CNTRL: variants seen among roughly 807,000 people sequenced by gnomAD.
CNTRL encodes the protein centriolin.
A neutral mutation model predicts 303.7 loss-of-function variants in CNTRL; 233 were observed. The observed-to-expected ratio is 0.77, with a 90% confidence interval of 0.69 to 0.86. The LOEUF is 0.86. CNTRL is among the 40% of genes least tolerant of loss of function. The probability of loss-of-function intolerance (pLI) is 0.00; values close to 1 mark genes in which losing one functional copy is unlikely to be tolerated. For synonymous variants in CNTRL, 900 were observed against 922.2 expected, an observed-to-expected ratio of 0.98 and a Z score of 0.44; for missense variants, 2,524 against 2,650.6, an observed-to-expected ratio of 0.95 and a Z score of 1.05.
At chr9:121,088,648 T>G (rs2048441403) in intron 3 of CNTRL, 105 bp downstream of exon 3, 1 of 659,284 alleles carries the variant, frequency 1.5e-6, no homozygotes, top group Non-Finnish European at 2.6e-6. Context: ...TGGTACTAAT[T>G]TGATCTATTG....
intron 24 of CNTRL, among the ~76,000 whole-genome samples, chr9:121,149,531 G>A (rs1351614049): frequency 6.6e-6 from 1 of 151,794 alleles, no homozygotes; most frequent in African/African-American, 2.4e-5. Flanking sequence ...TCAGCCTCCC[G>A]AGTAGCTGGG....
chr9:121,145,201 A>G (rs754677119), intron 21 of CNTRL, 43 bp from the exon 22 acceptor site: 5 of 1,572,602 alleles, frequency 3.2e-6, no homozygotes, highest in Non-Finnish European at 4.3e-6. Context: ...TTGGGAAAGA[A>G]TGAATTCATT....
chr9:121,148,530 C>G, intron 23 of CNTRL, 142 bp from the exon 24 acceptor site: 1 of 701,326 alleles, frequency 1.4e-6, no homozygotes, highest in South Asian at 2.0e-5. Flanking sequence ...CACCTCACTT[C>G]TGTGAAAAAT....
Position 121,167,568 on chromosome 9 carries a change from C to G in CNTRL, c.5735C>G (p.Ala1912Gly). Residue 1912 changes from alanine to glycine, a missense_variant, in exon 37 of 44, where the codon GCA (alanine) becomes GGA (glycine). By Grantham distance (60) the Ala-to-Gly change is moderately conservative. Transcript: ENST00000373855. ...TRLQKDISEW[A>G]NRFEDCQKEE... ...CTCCAGAAGGACATCAGTGAATGGG[C>G]AAATAGGTTTGAAGACTGTCAGAAA... 1 of 1,613,916 alleles carries G rather than the reference C, an allele frequency of 6.2e-7. No homozygotes were observed. The highest frequency in any genetic ancestry group is 1.7e-5 in the Admixed American group (1 of 59,996).
At chr9:121,153,759 G>A (rs941831980) in intron 26 of CNTRL, among the ~76,000 whole-genome samples, 5 of 152,194 alleles carry the variant, frequency 3.3e-5, no homozygotes, top group African/African-American at 9.7e-5. Flanking sequence ...ATTTAACCCA[G>A]ACTGGCCCAG....
At chr9:121,093,854 G>T (rs577918517) in intron 4 of CNTRL, among the ~76,000 whole-genome samples, 1 of 152,162 alleles carries the variant, frequency 6.6e-6, no homozygotes. Context: ...AAGGGCATTG[G>T]GGGAGGAGGT....
intron 13 of CNTRL, among the ~76,000 whole-genome samples, chr9:121,125,028 G>A (rs919301841): frequency 5.9e-5 from 9 of 151,842 alleles, no homozygotes; most frequent in Non-Finnish European, 1.2e-4. Context: ...GGATGTGTGT[G>A]TTTGTGTTCT....
At chr9:121,128,457 C>G (rs1267890459) in intron 14 of CNTRL, among the ~76,000 whole-genome samples, 1 of 152,168 alleles carries the variant, frequency 6.6e-6, no homozygotes, top group Non-Finnish European at 1.5e-5. Context: ...TGAGAAATGT[C>G]TATTCGTATC....
At chr9:121,091,452 T>TACTAACC (rs1429177284) in intron 4 of CNTRL, among the ~76,000 whole-genome samples, 1 of 152,142 alleles carries the variant, frequency 6.6e-6, no homozygotes, top group African/African-American at 2.4e-5. Context: ...CCTAAGCAAA[T>TACTAACC]ACTAACCCTA....
At chr9:121,168,389 GTATT>G in intron 38 of CNTRL, 68 bp downstream of exon 38, 1 of 1,435,588 alleles carries the variant, frequency 7.0e-7, no homozygotes, top group Non-Finnish European at 9.7e-7. Context: ...TCTTGCAAAA[GTATT>G]TAAAGAGATC....
intron 16 of CNTRL, among the ~76,000 whole-genome samples, chr9:121,138,962 T>G (rs983438686): frequency 2.0e-5 from 3 of 152,208 alleles, no homozygotes; most frequent in Non-Finnish European, 4.4e-5. Context: ...GCAAAAGCAG[T>G]ATCTTGCTTT....
At chr9:121,145,133 T>A (rs2051764801) in intron 21 of CNTRL, 111 bp from the exon 22 acceptor site, 1 of 1,316,790 alleles carries the variant, frequency 7.6e-7, no homozygotes, top group African/African-American at 1.5e-5. Context: ...TGCAGTTTCC[T>A]CACTGGGAAA....
At chr9:121,118,113 G>A (rs995572155) in intron 11 of CNTRL, among the ~76,000 whole-genome samples, 2 of 151,970 alleles carry the variant, frequency 1.3e-5, no homozygotes, top group African/African-American at 4.8e-5. Context: ...TAGAATGACA[G>A]CTTATTTGTG....
At chr9:121,161,262 C>CT (rs748041133) in intron 32 of CNTRL, 226 of 437,644 alleles carry the variant, frequency 5.2e-4, no homozygotes, top group South Asian at 2.2e-3. Flanking sequence ...TTCTCTTATG[C>CT]TTTTTTTTTG....
chr9:121,077,829 C>G (rs1227105440), intron 1 of CNTRL, among the ~76,000 whole-genome samples: 1 of 150,468 alleles, frequency 6.6e-6, no homozygotes, highest in African/African-American at 2.4e-5. Context: ...GCCTGTAGTC[C>G]CAGCTACTCA....
At chr9:121,163,300 A>C (rs1236023422) in intron 34 of CNTRL, among the ~76,000 whole-genome samples, 1 of 135,748 alleles carries the variant, frequency 7.4e-6, no homozygotes, top group Non-Finnish European at 1.6e-5. Flanking sequence ...AGCCAGGGTG[A>C]CAGAGTGAGA....
At chr9:121,149,237 G>A (rs1045422032) in intron 24 of CNTRL, among the ~76,000 whole-genome samples, 1 of 152,124 alleles carries the variant, frequency 6.6e-6, no homozygotes, top group East Asian at 1.9e-4. Flanking sequence ...GAAGTGTTAC[G>A]GGTCTGTCTT....
intron 22 of CNTRL, 47 bp from the exon 23 acceptor site, chr9:121,146,061 A>T (rs1210417234): frequency 6.7e-7 from 1 of 1,486,732 alleles, no homozygotes; most frequent in Admixed American, 2.1e-5. Flanking sequence ...TTGAGAAAGG[A>T]AGTAAGTGAT....
intron 37 of CNTRL, among the ~76,000 whole-genome samples, 155 bp downstream of exon 37, chr9:121,167,832 T>C (rs1008621236): frequency 1.3e-5 from 2 of 152,212 alleles, no homozygotes; most frequent in Admixed American, 1.3e-4. Context: ...ATACCAACTG[T>C]GTGACTCTCT....
Sources: allele counts gnomAD v4.1 joint callset (sites outside exome capture counted in the v4.1 genomes callset), GRCh38; gene constraint gnomAD v4.1.1; transcripts MANE v1.5; gene names NCBI Gene and HGNC (gene_info 2026-07-23, HGNC 2026-07-21).